The following CHMP4B variants were observed in gnomAD, a reference collection of about 807,000 sequenced individuals.
The protein encoded by CHMP4B is SNF7 homolog associated with Alix 1.
Under a neutral mutation model 25.1 loss-of-function variants are expected in CHMP4B, and 1 was observed. The ratio of observed to expected loss-of-function variants is 0.04; its 90% CI spans 0.01 to 0.19. The LOEUF (loss-of-function observed/expected upper bound fraction) is 0.19. Ranked by LOEUF, CHMP4B falls within the 10% of genes least tolerant of loss-of-function variation. CHMP4B has a pLI of 1.00. For synonymous variants in CHMP4B, 101 were observed against 115.6 expected, an observed-to-expected ratio of 0.87 and a Z score of 0.81; for missense variants, 151 against 289.7, an observed-to-expected ratio of 0.52 and a Z score of 3.48.
chr20:33,853,011 C>G (rs1979899019), intron 4 of CHMP4B, among the ~76,000 whole-genome samples: 1 of 152,304 alleles, frequency 6.6e-6, no homozygotes, highest in South Asian at 2.1e-4. Flanking sequence ...GTGGTCACCT[C>G]CCTCTCCCAT....
intron 3 of CHMP4B, among the ~76,000 whole-genome samples, chr20:33,851,828 C>T (rs1376446298): frequency 2.0e-5 from 3 of 152,206 alleles, no homozygotes; most frequent in African/African-American, 7.2e-5. Context: ...ATATGATCCC[C>T]TCTCCCAGAT....
chr20:33,829,183 T>G (rs922249378), intron 1 of CHMP4B, among the ~76,000 whole-genome samples: 2 of 152,182 alleles, frequency 1.3e-5, no homozygotes, highest in African/African-American at 4.8e-5. Flanking sequence ...AGAGGCTGCT[T>G]CTTGCTGGGA....
chr20:33,849,802 T>G (rs532319157), intron 2 of CHMP4B, among the ~76,000 whole-genome samples: 3 of 152,272 alleles, frequency 2.0e-5, no homozygotes, highest in African/African-American at 7.2e-5. Context: ...GACAAGGTCT[T>G]GCTGTGTCTG....
chr20:33,852,152 G>A lies in CHMP4B; in HGVS notation c.559G>A (p.Glu187Lys), dbSNP rs1372789515. The change falls in exon 4 of 5, where the codon GAA (glutamate) becomes AAA (lysine). Residue 187 changes from glutamate (E) to lysine (K), a missense_variant. Transcript: ENST00000217402. Reference protein sequence around the residue: ...DKNLLEISGPETVPLPNVPSI... With the variant: ...DKNLLEISGPKTVPLPNVPSI... ...GAATTTGCTGGAAATCAGTGGACCCGAAACAGTCCCTCTACCAAATGTTCC... is the reference window on the plus strand; with the variant it reads ...GAATTTGCTGGAAATCAGTGGACCCAAAACAGTCCCTCTACCAAATGTTCC... 1.9e-6 allele frequency: 3 copies of A among 1,614,034 alleles called. No individual in the cohort carries two copies. The highest frequency in any genetic ancestry group is 1.3e-5 in the African/African-American group (1 of 74,934).
At chr20:33,825,110 C>T (rs1208961370) in intron 1 of CHMP4B, among the ~76,000 whole-genome samples, 1 of 152,130 alleles carries the variant, frequency 6.6e-6, no homozygotes, top group African/African-American at 2.4e-5. Context: ...TGAATCCCTC[C>T]CACTCAGGAC....
intron 1 of CHMP4B, among the ~76,000 whole-genome samples, chr20:33,825,205 A>G (rs1345414018): frequency 6.6e-6 from 1 of 152,198 alleles, no homozygotes; most frequent in African/African-American, 2.4e-5. Context: ...GTGTATGATA[A>G]TAGTTGTACT....
At chr20:33,848,229 G>C (rs181527816) in intron 1 of CHMP4B, among the ~76,000 whole-genome samples, 252 of 152,282 alleles carry the variant, frequency 1.7e-3, no homozygotes, top group African/African-American at 5.9e-3. Flanking sequence ...TGTGTGCGTG[G>C]TTACCCGAGG....
intron 4 of CHMP4B, 68 bp downstream of exon 4, chr20:33,852,271 T>G (rs1465500500): frequency 1.9e-6 from 3 of 1,596,502 alleles, no homozygotes; most frequent in Non-Finnish European, 2.6e-6. Flanking sequence ...TCGGTTGGCT[T>G]TGGTTTGTGG....
intron 1 of CHMP4B, among the ~76,000 whole-genome samples, chr20:33,825,829 T>C (rs1363468827): frequency 6.6e-6 from 1 of 152,050 alleles, no homozygotes; most frequent in East Asian, 1.9e-4. Flanking sequence ...ATTTCAGAGG[T>C]AAGAGGCAGA....
intron 1 of CHMP4B, among the ~76,000 whole-genome samples, chr20:33,832,444 G>C (rs1036351383): frequency 6.6e-6 from 1 of 152,122 alleles, no homozygotes; most frequent in Non-Finnish European, 1.5e-5. Flanking sequence ...ACACCAAAGC[G>C]CCAGTGCCAG....
chr20:33,827,998 C>T (rs542591744), intron 1 of CHMP4B, among the ~76,000 whole-genome samples: 1 of 152,266 alleles, frequency 6.6e-6, no homozygotes, highest in East Asian at 1.9e-4. Context: ...TCTGCAAAGG[C>T]CTCATGCTTA....
At chr20:33,838,520 G>A (rs1459325460) in intron 1 of CHMP4B, among the ~76,000 whole-genome samples, 2 of 152,210 alleles carry the variant, frequency 1.3e-5, no homozygotes, top group Non-Finnish European at 2.9e-5. Context: ...GGATTTTTAT[G>A]TGTAATATGT....
chr20:33,838,282 G>A (rs980557907), intron 1 of CHMP4B, among the ~76,000 whole-genome samples: 2 of 152,170 alleles, frequency 1.3e-5, no homozygotes, highest in South Asian at 2.1e-4. Flanking sequence ...AGTTTCCTCC[G>A]GATGTAAGAT....
intron 1 of CHMP4B, among the ~76,000 whole-genome samples, chr20:33,841,683 G>A (rs1353995850): frequency 1.3e-5 from 2 of 152,128 alleles, no homozygotes; most frequent in African/African-American, 4.8e-5. Context: ...ATTAGGGGAA[G>A]GTATTCTTGA....
At position 33,826,748 on chromosome 20, in the gene CHMP4B, C is replaced by A. The variant is rs554530340; in HGVS notation, c.190+15090C>A. On this transcript the variant is annotated intron_variant, in intron 1 of 4. Transcript: ENST00000217402. The stretch of plus-strand genomic sequence containing the variant: ...GGGCAGCTTGGTAGAGGCAGAACAG[C>A]AATTTTTCTGTTTTCAGAGTATCTC... Among the ~76,000 whole-genome samples the A allele has an allele frequency of 7.9e-5, 12 of 152,264 alleles. No individual in the cohort carries two copies. The East Asian group carries it at 1.5e-3, about 20-fold the overall frequency.
At chr20:33,835,061 G>C (rs1405689709) in intron 1 of CHMP4B, among the ~76,000 whole-genome samples, 1 of 152,174 alleles carries the variant, frequency 6.6e-6, no homozygotes, top group Non-Finnish European at 1.5e-5. Flanking sequence ...CTCCCAAAAT[G>C]CTGGGATTAC....
chr20:33,830,658 C>T (rs1169737959), intron 1 of CHMP4B, among the ~76,000 whole-genome samples: 1 of 152,092 alleles, frequency 6.6e-6, no homozygotes, highest in Non-Finnish European at 1.5e-5. Flanking sequence ...AGGGCCCCAT[C>T]CTTGTGATGT....
intron 1 of CHMP4B, among the ~76,000 whole-genome samples, chr20:33,820,059 T>A (rs1978893589): frequency 6.6e-6 from 1 of 151,196 alleles, no homozygotes; most frequent in Non-Finnish European, 1.5e-5. Context: ...GCAGCTGTAG[T>A]CCCAGCTACT....
rs1044971795 is a variant in CHMP4B, at chr20:33,844,855, C to T, written c.191-3612C>T. On this transcript the variant is annotated intron_variant, in intron 1 of 4. Coordinates refer to ENST00000217402, the MANE Select transcript of CHMP4B (RefSeq NM_176812.5). ...TTCTCTACAAGCTCCGCCTCCTGGG[C>T]TCACGCCATTCTCCTGCCTCAGCCT... Among the ~76,000 whole-genome samples, 7 of 151,530 alleles carry T rather than the reference C, an allele frequency of 4.6e-5. 1 individual carries two copies. Among genetic ancestry groups the T allele is most frequent in the South Asian group, 4.2e-4 (2 of 4,780 alleles).
Sources: gnomAD v4.1 joint callset for allele counts (sites outside exome capture counted in the v4.1 genomes callset) on GRCh38, gnomAD v4.1.1 for gene constraint, MANE v1.5 for transcripts, NCBI Gene and HGNC (gene_info 2026-07-23, HGNC 2026-07-21) for gene names.